The following PTPN5 variants were observed in gnomAD, a reference collection of about 807,000 sequenced individuals.
The protein encoded by PTPN5 is tyrosine-protein phosphatase non-receptor type 5.
PTPN5 carries 29 observed loss-of-function variants against 73.9 expected under a neutral mutation model. The observed-to-expected ratio is 0.39, with a 90% CI of 0.29 to 0.54. The LOEUF is 0.54. PTPN5 is among the 20% of genes least tolerant of loss of function. PTPN5 has a pLI of 0.65. For synonymous variants in PTPN5, 267 were observed against 304.7 expected (o/e 0.88, Z 1.29); for missense variants, 652 against 751.4 (o/e 0.87, Z 1.55).
chr11:18,739,878 A>C (rs1206055788), intron 8 of PTPN5, among the ~76,000 whole-genome samples: 1 of 152,216 alleles, frequency 6.6e-6, no homozygotes, highest in Non-Finnish European at 1.5e-5. Context: ...GGGTGCCCCC[A>C]TGCGGCAAGG....
At chr11:18,785,141 C>T (rs1851612345) in intron 1 of PTPN5, among the ~76,000 whole-genome samples, 1 of 152,180 alleles carries the variant, frequency 6.6e-6, no homozygotes, top group Admixed American at 6.5e-5. Context: ...GCATGAGCCA[C>T]TGCACCAAGC....
At chr11:18,756,921 C>A (rs9795194) in intron 3 of PTPN5, among the ~76,000 whole-genome samples, 1,718 of 83,098 alleles carry the variant, frequency 0.021, 30 homozygotes, top group Admixed American at 0.088. Flanking sequence ...AAGACTCCAT[C>A]AAAAAAAAAA....
intron 1 of PTPN5, among the ~76,000 whole-genome samples, chr11:18,773,968 C>T (rs1851029970): frequency 6.6e-6 from 1 of 152,212 alleles, no homozygotes; most frequent in South Asian, 2.1e-4. Flanking sequence ...TACGTTGTCT[C>T]TCTTGCCTGG....
At chr11:18,763,989 G>C (rs75089808) in intron 3 of PTPN5, among the ~76,000 whole-genome samples, 4,463 of 152,278 alleles carry the variant, frequency 0.029, 226 homozygotes, top group African/African-American at 0.1. Context: ...ATTTTCTGCA[G>C]ATTTCTTCTA....
intron 2 of PTPN5, among the ~76,000 whole-genome samples, chr11:18,770,897 A>C (rs1368678087): frequency 2.6e-5 from 4 of 152,118 alleles, no homozygotes; most frequent in South Asian, 2.1e-4. Context: ...GGCTGGGTGA[A>C]GTGTTCTAAC....
At chr11:18,735,370 G>A (rs965178180) in intron 9 of PTPN5, among the ~76,000 whole-genome samples, 1 of 151,998 alleles carries the variant, frequency 6.6e-6, no homozygotes, top group Non-Finnish European at 1.5e-5. Flanking sequence ...AGCAGAGAGG[G>A]GCAGGAAGCT....
At chr11:18,785,430 G>A (rs1487878497) in intron 1 of PTPN5, among the ~76,000 whole-genome samples, 3 of 152,048 alleles carry the variant, frequency 2.0e-5, no homozygotes, top group African/African-American at 7.2e-5. Context: ...ACCTATATGT[G>A]GACTAATTTC....
In PTPN5 at chr11:18,763,721, C is replaced by G. The variant is rs561662757; in HGVS notation, c.97+2086G>C. 2.6e-4 allele frequency among the ~76,000 whole-genome samples: 40 copies of G among 152,278 alleles called. 1 individual carries two copies. Among genetic ancestry groups the G allele is most frequent in the African/African-American group, 9.6e-4 (40 of 41,550 alleles). ...TATATCTAGCACCTAGTACCTGAGA[C>G]CTAGTAGGTGCTCAATAAGTACTTG... On this transcript the variant is annotated intron_variant, in intron 3 of 14. Transcript: ENST00000358540.
At chr11:18,730,261 G>C (rs1848817152) in intron 12 of PTPN5, 1 of 310,020 alleles carries the variant, frequency 3.2e-6, no homozygotes, top group Non-Finnish European at 5.9e-6. Context: ...AGTGCTGCAA[G>C]TTTTACCACC....
chr11:18,729,038 G>A lies in PTPN5; in HGVS notation c.1605-11C>T, dbSNP rs755647458. 3.7e-6 allele frequency: 6 copies of A among 1,613,274 alleles called. No individual in the cohort carries two copies. Among genetic ancestry groups the A allele is most frequent in the Non-Finnish European group, 5.1e-6 (6 of 1,179,818 alleles). ...TGGATCATGCCGCCCCTGCCCGGCA[G>A]AGATGCACAGTGGGGGCAGGGTCGT... On this transcript the variant is annotated splice_polypyrimidine_tract_variant and intron_variant, in intron 14 of 14. Coordinates refer to ENST00000358540, the MANE Select transcript of PTPN5 (RefSeq NM_006906.2). The surrounding 1 kb of genome is among the most constrained non-coding windows in gnomAD (Gnocchi z 5.2).
intron 3 of PTPN5, among the ~76,000 whole-genome samples, chr11:18,765,211 C>T (rs1292542039): frequency 1.3e-5 from 2 of 151,996 alleles, no homozygotes; most frequent in Non-Finnish European, 1.5e-5. Context: ...CCTTCTTTTT[C>T]TTCCTTCTGA....
At position 18,758,190 on chromosome 11, in the gene PTPN5, G is replaced by A. The variant is rs114336328; in HGVS notation, c.97+7617C>T. ...TTCTCTGCACTCCTCCTATCAAGAGGTGGCATTTACTTCCCATCCCTTGGA... is the reference window on the plus strand; with the variant it reads ...TTCTCTGCACTCCTCCTATCAAGAGATGGCATTTACTTCCCATCCCTTGGA... On this transcript the variant is annotated intron_variant, in intron 3 of 14. Transcript: ENST00000358540. Among the ~76,000 whole-genome samples the A allele has an allele frequency of 2.2e-3, 342 of 152,312 alleles. 1 individual carries two copies. Among genetic ancestry groups the A allele is most frequent in the African/African-American group, 7.9e-3 (328 of 41,572 alleles).
intron 1 of PTPN5, among the ~76,000 whole-genome samples, chr11:18,773,143 G>T (rs1415054758): frequency 4.6e-5 from 7 of 152,156 alleles, no homozygotes; most frequent in Admixed American, 6.5e-5. Flanking sequence ...CCGCTCACTT[G>T]GAATTTTTTC....
At chr11:18,780,757 A>C (rs1313456196) in intron 1 of PTPN5, among the ~76,000 whole-genome samples, 1 of 152,120 alleles carries the variant, frequency 6.6e-6, no homozygotes, top group African/African-American at 2.4e-5. Context: ...CCAGGCTGAC[A>C]AGGGGCAAGG....
rs754489016 is a variant in PTPN5 at position 18,733,315 on chromosome 11, C to T, written c.1138G>A (p.Val380Ile). 1.2e-6 allele frequency: 2 copies of T among 1,614,208 alleles called. No homozygotes were observed. Among genetic ancestry groups the T allele is most frequent in the South Asian group, 2.2e-5 (2 of 91,086 alleles). The change falls in exon 11 of 15, where the codon GTC becomes ATC. Residue 380 changes from valine to isoleucine, a missense_variant. By Grantham distance (29) the Val-to-Ile change is conservative. Around this residue, in one of 3 missense-constraint regions of PTPN5, gnomAD observed 529 missense variants for 573.9 expected, o/e 0.92. Coordinates refer to ENST00000358540, the MANE Select transcript of PTPN5 (RefSeq NM_006906.2). The surrounding 1 kb of genome is among the most constrained non-coding windows in gnomAD (Gnocchi z 4.3). ...IATQGPIVST[V>I]ADFWRMVWQE... ...CACACCATGCGCCAGAAGTCGGCGA[C>T]CGTGCTGACGATGGGTCCCTGAGTG...
intron 8 of PTPN5, among the ~76,000 whole-genome samples, chr11:18,740,179 G>C (rs1329598365): frequency 1.3e-5 from 2 of 152,172 alleles, no homozygotes; most frequent in Non-Finnish European, 2.9e-5. Flanking sequence ...TAGGGCCCCA[G>C]GGGTGGTAAC....
chr11:18,790,690 C>G (rs1851877562), intron 1 of PTPN5, among the ~76,000 whole-genome samples: 1 of 152,094 alleles, frequency 6.6e-6, no homozygotes. Context: ...TTTCGTGGTA[C>G]ACTCAGGTGA....
In PTPN5 at chr11:18,781,323, C is replaced by CTTTTTTTTT. The variant is rs58611404; in HGVS notation, c.-113-9261_-113-9253dup. Among the ~76,000 whole-genome samples, 171 of 114,426 alleles carry CTTTTTTTTT rather than the reference C, an allele frequency of 1.5e-3. 12 individuals carry two copies. Among genetic ancestry groups the CTTTTTTTTT allele is most frequent in the South Asian group, 3.6e-3 (12 of 3,332 alleles). The allele number at this position is 114,426 out of a possible 152,430, so 75.1% of individuals were successfully genotyped here. ...AGATCAGACTGTCTTTTTTTGACCACTTTTTTTTTTTTTTGAGATGGAGTC... is the reference window on the plus strand; with the variant it reads ...AGATCAGACTGTCTTTTTTTGACCACTTTTTTTTTTTTTTTTTTTTTTTGAGATGGAGTC... On this transcript the variant is annotated intron_variant, in intron 1 of 14. Transcript: ENST00000358540.
rs1374555187 is a variant in PTPN5, at chr11:18,729,602, G to A, written c.1491-36C>T. ...AGGGGACCGGTGGGGTGAGGGGCAG[G>A]GCAGCCCAGCGGGTGGGGGGCTGCC... On this transcript the variant is annotated intron_variant, in intron 13 of 14. Coordinates refer to ENST00000358540, the MANE Select transcript of PTPN5 (RefSeq NM_006906.2). This position sits in a 1 kb window ranked among gnomAD's most constrained non-coding sequence, Gnocchi z 5.2. 9.6e-6 allele frequency: 15 copies of A among 1,569,898 alleles called. No homozygotes were observed. The highest frequency in any genetic ancestry group is 6.7e-5 in the African/African-American group (5 of 74,338).
Sources: gnomAD v4.1 joint callset for allele counts (sites outside exome capture counted in the v4.1 genomes callset) on GRCh38, gnomAD v4.1.1 for gene constraint, gnomAD v4.1.1 regional missense constraint, Gnocchi (gnomAD v3.1) non-coding constraint, MANE v1.5 for transcripts, NCBI Gene and HGNC (gene_info 2026-07-23, HGNC 2026-07-21) for gene names.